The following HIVEP3 variants were observed in gnomAD, a reference collection of about 807,000 sequenced individuals.
HIVEP3 encodes the protein HIVEP zinc finger 3.
In HIVEP3, 49 loss-of-function variants were observed where a neutral mutation model predicts 152.8. The observed-to-expected ratio is 0.32, with a 90% CI of 0.26 to 0.41. HIVEP3 has a LOEUF of 0.41. Ranked by LOEUF, HIVEP3 falls within the 10% of genes least tolerant of loss-of-function variation. The probability of loss-of-function intolerance (pLI) is 1.00; values close to 1 mark genes in which losing one functional copy is unlikely to be tolerated. For missense variants in HIVEP3, 2,790 were observed against 3,103.3 expected, an observed-to-expected ratio of 0.90 and a Z score of 2.40; for synonymous variants, 1,269 against 1,289.0, an observed-to-expected ratio of 0.98 and a Z score of 0.33.
chr1:41,661,401 T>C (rs1276747235), intron 2 of HIVEP3, among the ~76,000 whole-genome samples: 1 of 151,920 alleles, frequency 6.6e-6, no homozygotes, highest in Non-Finnish European at 1.5e-5. Flanking sequence ...TTAAGGGGGG[T>C]TGGGGAGGGT....
intron 1 of HIVEP3, among the ~76,000 whole-genome samples, chr1:41,990,270 A>T (rs1238856768): frequency 7.1e-6 from 1 of 141,014 alleles, no homozygotes. Flanking sequence ...TCTGGCTTGT[A>T]GGGTTTCTGC....
intron 1 of HIVEP3, among the ~76,000 whole-genome samples, chr1:41,842,058 A>G (rs989935521): frequency 8.6e-5 from 13 of 152,030 alleles, no homozygotes; most frequent in Non-Finnish European, 1.3e-4. Context: ...ACAGCACTGC[A>G]CTCAGCCCGG....
intron 1 of HIVEP3, among the ~76,000 whole-genome samples, chr1:41,833,637 G>A (rs542417750): frequency 2.6e-5 from 4 of 152,092 alleles, no homozygotes; most frequent in African/African-American, 7.2e-5. Flanking sequence ...GAATCTGAGG[G>A]CTCAAGGAGG....
At chr1:41,885,491 C>T (rs1373923752) in intron 1 of HIVEP3, among the ~76,000 whole-genome samples, 2 of 152,106 alleles carry the variant, frequency 1.3e-5, no homozygotes, top group African/African-American at 4.8e-5. Flanking sequence ...CATGGGGAAA[C>T]CCTGTCTGTA....
chr1:41,712,712 T>A (rs929336695), intron 1 of HIVEP3, among the ~76,000 whole-genome samples: 1 of 152,220 alleles, frequency 6.6e-6, no homozygotes, highest in Non-Finnish European at 1.5e-5. Flanking sequence ...AGGTCTCTTG[T>A]ATCACAGGCC....
chr1:41,970,431 G>A (rs1481451078), intron 1 of HIVEP3, among the ~76,000 whole-genome samples: 1 of 152,156 alleles, frequency 6.6e-6, no homozygotes, highest in Non-Finnish European at 1.5e-5. Flanking sequence ...GCAAACTAAT[G>A]CAGGAACAGA....
chr1:41,517,398 G>T (rs1319820638), intron 7 of HIVEP3, among the ~76,000 whole-genome samples: 1 of 151,942 alleles, frequency 6.6e-6, no homozygotes, highest in Non-Finnish European at 1.5e-5. Context: ...CCCCATTCTA[G>T]CTTTGGGGGG....
At chr1:41,798,968 C>G (rs1408312341) in intron 1 of HIVEP3, among the ~76,000 whole-genome samples, 1 of 152,216 alleles carries the variant, frequency 6.6e-6, no homozygotes, top group Admixed American at 6.5e-5. Context: ...ACCCCACGGA[C>G]AGACAGCACT....
intron 1 of HIVEP3, among the ~76,000 whole-genome samples, chr1:41,827,543 G>A (rs1219011082): frequency 6.6e-6 from 1 of 152,152 alleles, no homozygotes; most frequent in East Asian, 1.9e-4. Context: ...AGTGAGGAAT[G>A]GGTTGAGTCA....
chr1:41,921,912 GCACACACACACAC>G (rs1342522300), upstream of HIVEP3, among the ~76,000 whole-genome samples: 5 of 151,280 alleles, frequency 3.3e-5, no homozygotes, highest in Non-Finnish European at 5.9e-5. Context: ...CAAAAAGTGC[GCACACACACACAC>G]CACACACACA....
chr1:41,823,938 A>G (rs1277887677), intron 1 of HIVEP3, among the ~76,000 whole-genome samples: 1 of 152,252 alleles, frequency 6.6e-6, no homozygotes, highest in Non-Finnish European at 1.5e-5. Flanking sequence ...GTCTTGGCAC[A>G]TAAAAGTCTG....
chr1:42,003,832 G>A (rs1398740790), intron 1 of HIVEP3, among the ~76,000 whole-genome samples: 3 of 151,112 alleles, frequency 2.0e-5, no homozygotes, highest in Non-Finnish European at 4.4e-5. Flanking sequence ...GTACAGTAAA[G>A]AGAAAAAACC....
intron 1 of HIVEP3, among the ~76,000 whole-genome samples, chr1:41,989,579 A>G (rs1014299648): frequency 6.6e-6 from 1 of 152,178 alleles, no homozygotes; most frequent in East Asian, 1.9e-4. Flanking sequence ...ATAACTAAGG[A>G]AAGGGAAAAA....
At chr1:41,604,787 G>A (rs1015934963) in intron 3 of HIVEP3, among the ~76,000 whole-genome samples, 3 of 152,034 alleles carry the variant, frequency 2.0e-5, no homozygotes, top group Admixed American at 6.5e-5. Flanking sequence ...AAGGATAGGC[G>A]AAAAACCAAT....
intron 1 of HIVEP3, among the ~76,000 whole-genome samples, chr1:41,907,867 C>A (rs751307404): frequency 2.2e-4 from 34 of 152,174 alleles, no homozygotes; most frequent in Admixed American, 1.0e-3. Flanking sequence ...GGAAGGGGAG[C>A]TGGGGATGCC....
intron 1 of HIVEP3, among the ~76,000 whole-genome samples, chr1:41,949,961 C>T (rs1645096847): frequency 6.6e-6 from 1 of 152,132 alleles, no homozygotes; most frequent in African/African-American, 2.4e-5. Flanking sequence ...AACCTCTCAA[C>T]AGGGTTTTCC....
chr1:41,721,124 C>A (rs1179922971), intron 1 of HIVEP3, among the ~76,000 whole-genome samples: 1 of 152,126 alleles, frequency 6.6e-6, no homozygotes, highest in Non-Finnish European at 1.5e-5. Context: ...TGCTGTGCAA[C>A]ATTTGCCTAT....
chr1:41,965,038 T>C (rs562245671), intron 1 of HIVEP3, among the ~76,000 whole-genome samples: 30 of 152,172 alleles, frequency 2.0e-4, no homozygotes, highest in African/African-American at 6.5e-4. Context: ...GGTGCCTCTT[T>C]GGGATGGAGC....
At chr1:41,576,166 C>A (rs187883629) in intron 4 of HIVEP3, among the ~76,000 whole-genome samples, 4 of 152,214 alleles carry the variant, frequency 2.6e-5, no homozygotes, top group Admixed American at 6.5e-5. Flanking sequence ...GGTCACCCAG[C>A]GAGTTAAGGG....
Sources: gnomAD v4.1 joint callset for allele counts (sites outside exome capture counted in the v4.1 genomes callset) on GRCh38, gnomAD v4.1.1 for gene constraint, MANE v1.5 for transcripts, NCBI Gene and HGNC (gene_info 2026-07-23, HGNC 2026-07-21) for gene names.